PTCHD4: variants seen among roughly 807,000 people sequenced by gnomAD.
PTCHD4 encodes the protein patched domain-containing protein 4.
In PTCHD4, 33 loss-of-function variants were observed where a neutral mutation model predicts 58.1. The ratio of observed to expected loss-of-function variants is 0.57; its 90% CI spans 0.43 to 0.76. The LOEUF (loss-of-function observed/expected upper bound fraction) is 0.76, where lower values mean the gene tolerates loss of function less well. Ranked by LOEUF, PTCHD4 falls within the 30% of genes least tolerant of loss-of-function variation. The pLI is 0.00. For synonymous variants in PTCHD4, 478 were observed against 409.6 expected (o/e 1.17, Z -2.02); for missense variants, 1,058 against 1,027.1 (o/e 1.03, Z -0.41).
At chr6:47,998,334 T>C (rs1365826933) in intron 4 of PTCHD4, among the ~76,000 whole-genome samples, 1 of 152,156 alleles carries the variant, frequency 6.6e-6, no homozygotes, top group African/African-American at 2.4e-5. Context: ...CCTGATTCAC[T>C]ATCTGACTCA....
At chr6:47,932,931 G>C (rs1176291553) in intron 4 of PTCHD4, among the ~76,000 whole-genome samples, 1 of 152,188 alleles carries the variant, frequency 6.6e-6, no homozygotes, top group East Asian at 1.9e-4. Flanking sequence ...TTGGAGTAGT[G>C]CACTGGTACT....
intron 4 of PTCHD4, among the ~76,000 whole-genome samples, chr6:47,887,740 A>G (rs1270307248): frequency 6.6e-6 from 1 of 152,174 alleles, no homozygotes; most frequent in Non-Finnish European, 1.5e-5. Flanking sequence ...TCTTGAGGTG[A>G]TGATCAGTGT....
rs527695901 is a variant in PTCHD4 at position 47,957,804 on chromosome 6, T to A, written c.898+50830A>T. ...TATTTTTAGTAGAAAAAGGGTTTCA[T>A]CGTGTTAGCCAGGATGGTTTCGATC... On this transcript the variant is annotated intron_variant, in intron 4 of 4. Transcript: ENST00000339488. Among the ~76,000 whole-genome samples the A allele has an allele frequency of 1.8e-4, 28 of 151,836 alleles. 1 individual carries two copies. The Middle Eastern group carries it at 0.01, about 55-fold the overall frequency.
At chr6:47,959,931 A>G (rs935424864) in intron 4 of PTCHD4, among the ~76,000 whole-genome samples, 60 of 150,756 alleles carry the variant, frequency 4.0e-4, no homozygotes, top group African/African-American at 1.3e-3. Context: ...TGTTATAAGC[A>G]AAAAAAAACC....
chr6:47,885,769 T>G (rs1764172282), intron 4 of PTCHD4, among the ~76,000 whole-genome samples: 1 of 152,216 alleles, frequency 6.6e-6, no homozygotes, highest in Non-Finnish European at 1.5e-5. Context: ...GCATCTAACA[T>G]TGCTGTAGGA....
Position 47,857,087 on chromosome 6 carries a change from A to G in PTCHD4, c.*21216T>C, listed in dbSNP as rs1322237905. Reference sequence around the variant, plus strand: ...TTTAGAGAAAATTTAGACACAAGAAATCATATTATATAGTATTGTCCCACC... The same window carrying G: ...TTTAGAGAAAATTTAGACACAAGAAGTCATATTATATAGTATTGTCCCACC... On this transcript the variant is annotated 3_prime_UTR_variant, in exon 5 of 5. Transcript: ENST00000339488. Among the ~76,000 whole-genome samples, 1 of 152,062 alleles carries G rather than the reference A, an allele frequency of 6.6e-6. No individual in the cohort carries two copies. Among genetic ancestry groups the G allele is most frequent in the African/African-American group, 2.4e-5 (1 of 41,420 alleles).
At chr6:48,054,986 T>C (rs1222959637) in intron 3 of PTCHD4, among the ~76,000 whole-genome samples, 1 of 152,204 alleles carries the variant, frequency 6.6e-6, no homozygotes, top group Non-Finnish European at 1.5e-5. Flanking sequence ...CCAGAAAAGC[T>C]GAGGGACAAA....
At chr6:48,095,143 T>C (rs748543837) in intron 1 of PTCHD4, among the ~76,000 whole-genome samples, 1 of 152,196 alleles carries the variant, frequency 6.6e-6, no homozygotes, top group Admixed American at 6.5e-5. Context: ...ACTTACCAAA[T>C]TGTGTACTTT....
At chr6:48,057,214 G>T (rs1764442909) in intron 3 of PTCHD4, among the ~76,000 whole-genome samples, 1 of 147,422 alleles carries the variant, frequency 6.8e-6, no homozygotes, top group African/African-American at 2.5e-5. Context: ...TTTTTTCTGA[G>T]CCCAAAGCTG....
intron 3 of PTCHD4, among the ~76,000 whole-genome samples, chr6:48,066,405 A>G (rs1764798784): frequency 6.6e-6 from 1 of 152,188 alleles, no homozygotes; most frequent in South Asian, 2.1e-4. Context: ...CCAACCAATA[A>G]TGCATACTAA....
chr6:47,954,057 C>T (rs979759019), intron 4 of PTCHD4, among the ~76,000 whole-genome samples: 3 of 152,010 alleles, frequency 2.0e-5, no homozygotes, highest in Non-Finnish European at 2.9e-5. Flanking sequence ...ATTAGAATTG[C>T]TTAAGAAGGA....
intron 1 of PTCHD4, among the ~76,000 whole-genome samples, chr6:48,108,346 C>G (rs1765788175): frequency 6.6e-6 from 1 of 151,844 alleles, no homozygotes; most frequent in Non-Finnish European, 1.5e-5. Context: ...CAAACTATCG[C>G]AAGGACAAAA....
In PTCHD4 at chr6:47,871,200, G is replaced by A. The variant is rs1240461420; in HGVS notation, c.*7103C>T. 3.3e-5 allele frequency among the ~76,000 whole-genome samples: 5 copies of A among 151,588 alleles called. No homozygotes were observed. The highest frequency in any genetic ancestry group is 7.4e-5 in the Non-Finnish European group (5 of 67,700). On this transcript the variant is annotated 3_prime_UTR_variant, in exon 5 of 5. Coordinates refer to ENST00000339488, the MANE Select transcript of PTCHD4 (RefSeq NM_001384253.1). Reference sequence around the variant, plus strand: ...GAGTTTTCTTTTCACTGATGCTAATGTTTCCGTAAGTGACTTGTGTTTTAA... The same window carrying A: ...GAGTTTTCTTTTCACTGATGCTAATATTTCCGTAAGTGACTTGTGTTTTAA...
At chr6:48,032,723 C>T (rs1234824135) in intron 3 of PTCHD4, among the ~76,000 whole-genome samples, 2 of 152,016 alleles carry the variant, frequency 1.3e-5, no homozygotes, top group African/African-American at 4.8e-5. Context: ...AATTTATTTG[C>T]AAGGAAACTT....
At chr6:48,039,847 T>C (rs1763781625) in intron 3 of PTCHD4, among the ~76,000 whole-genome samples, 1 of 152,166 alleles carries the variant, frequency 6.6e-6, no homozygotes, top group Non-Finnish European at 1.5e-5. Flanking sequence ...GAATATGTGA[T>C]ATTTACATAT....
intron 4 of PTCHD4, among the ~76,000 whole-genome samples, chr6:47,885,535 A>T (rs1038797952): frequency 6.6e-6 from 1 of 152,220 alleles, no homozygotes; most frequent in Admixed American, 6.5e-5. Context: ...TTTAAATTAA[A>T]AAAAAATTAT....
chr6:47,888,468 A>G (rs1373549195), intron 4 of PTCHD4, among the ~76,000 whole-genome samples: 2 of 152,234 alleles, frequency 1.3e-5, no homozygotes, highest in Non-Finnish European at 2.9e-5. Context: ...ACAGGATTTT[A>G]TTAGGTCTCT....
In PTCHD4 at chr6:47,879,103, T is replaced by C. The variant is rs1763937396; in HGVS notation, c.1732A>G (p.Lys578Glu). 2.5e-6 allele frequency: 4 copies of C among 1,612,878 alleles called. No individual in the cohort carries two copies. Among genetic ancestry groups the C allele is most frequent in the African/African-American group, 2.7e-5 (2 of 74,900 alleles). ...CGAAAATGCTGGAATTCTGGCTTTT[T>C]TAAAAATGAGCTTTGCAGGACACTG... ...FISVLQSSFL[K>E]KPEFQHFRND... The change falls in exon 5 of 5, where the codon AAA becomes GAA. Residue 578 changes from lysine (K) to glutamate (E), a missense_variant. Physicochemically the swap from Lys to Glu is moderately conservative, Grantham distance 56. Coordinates refer to ENST00000339488, the MANE Select transcript of PTCHD4 (RefSeq NM_001384253.1).
chr6:48,006,308 C>T (rs569136712), intron 4 of PTCHD4, among the ~76,000 whole-genome samples: 63 of 152,230 alleles, frequency 4.1e-4, no homozygotes, highest in Non-Finnish European at 2.9e-4. Context: ...GTTTAAAGAA[C>T]GGAAATACCT....
Sources: gnomAD v4.1 joint callset for allele counts (sites outside exome capture counted in the v4.1 genomes callset) on GRCh38, gnomAD v4.1.1 for gene constraint, MANE v1.5 for transcripts, NCBI Gene and HGNC (gene_info 2026-07-23, HGNC 2026-07-21) for gene names.